Variants in CTNNA3 observed in about 807,000 individuals in gnomAD.
The protein encoded by CTNNA3 is catenin alpha 3.
Under a neutral mutation model 95.7 loss-of-function variants are expected in CTNNA3, and 76 were observed. That is an observed-to-expected ratio of 0.79 (90% CI 0.66 to 0.96). CTNNA3 has a LOEUF of 0.96. Ranked by LOEUF, CTNNA3 falls within the 40% of genes least tolerant of loss-of-function variation. The pLI is 0.00. For missense variants in CTNNA3, 1,191 were observed against 1,089.8 expected, an observed-to-expected ratio of 1.09 and a Z score of -1.31; for synonymous variants, 431 against 374.4, an observed-to-expected ratio of 1.15 and a Z score of -1.74.
chr10:67,387,012 A>C (rs964776509), intron 5 of CTNNA3, among the ~76,000 whole-genome samples: 1 of 152,192 alleles, frequency 6.6e-6, no homozygotes, highest in Non-Finnish European at 1.5e-5. Context: ...AAATCATCTG[A>C]AGTTCTGATC....
intron 14 of CTNNA3, among the ~76,000 whole-genome samples, chr10:66,093,377 CA>C (rs2081282073): frequency 6.6e-6 from 1 of 151,866 alleles, no homozygotes; most frequent in Non-Finnish European, 1.5e-5. Context: ...AGCTTTTCAG[CA>C]GAAGTTTTTG....
At chr10:67,204,378 CTCT>C (rs1863793609) in intron 6 of CTNNA3, among the ~76,000 whole-genome samples, 1 of 145,780 alleles carries the variant, frequency 6.9e-6, no homozygotes, top group African/African-American at 2.6e-5. Context: ...ACCTCCCCCC[CTCT>C]CTCTTCCTCC....
chr10:66,691,334 C>A (rs141148872), intron 9 of CTNNA3, among the ~76,000 whole-genome samples: 251 of 152,274 alleles, frequency 1.6e-3, no homozygotes, highest in African/African-American at 5.8e-3. Flanking sequence ...CAGGGTCCTA[C>A]GCCCATGGAG....
chr10:67,415,939 GCC>G, intron 5 of CTNNA3, among the ~76,000 whole-genome samples: 2 of 152,172 alleles, frequency 1.3e-5, no homozygotes. Context: ...TAACTGGCTA[GCC>G]ATATGCAGAA....
rs1848459216 is a variant in CTNNA3 at position 66,716,641 on chromosome 10, T to A, written c.1281+49623A>T. On this transcript the variant is annotated intron_variant, in intron 9 of 17. Coordinates refer to ENST00000433211, the MANE Select transcript of CTNNA3 (RefSeq NM_013266.4). ...GGCATTTATGTTTGTGTTTTTGTCATATGTGGGGCCCTCTAATGCATGGGG... is the reference window on the plus strand; with the variant it reads ...GGCATTTATGTTTGTGTTTTTGTCAAATGTGGGGCCCTCTAATGCATGGGG... Among the ~76,000 whole-genome samples, 4 of 152,150 alleles carry A rather than the reference T, an allele frequency of 2.6e-5. No homozygotes were observed. The South Asian group carries it at 6.2e-4, about 24-fold the overall frequency.
intron 1 of CTNNA3, among the ~76,000 whole-genome samples, chr10:67,734,237 A>C (rs1260183460): frequency 6.6e-6 from 1 of 152,176 alleles, no homozygotes; most frequent in African/African-American, 2.4e-5. Flanking sequence ...TATAAAGCCA[A>C]GAACTCTGTG....
chr10:66,928,097 C>G (rs758292887), intron 7 of CTNNA3: 4 of 1,614,076 alleles, frequency 2.5e-6, no homozygotes, highest in South Asian at 2.2e-5. Flanking sequence ...AGCAAACCCC[C>G]TTTGCCCCCG....
At chr10:66,442,733 C>A (rs987370601) in intron 11 of CTNNA3, among the ~76,000 whole-genome samples, 2 of 152,166 alleles carry the variant, frequency 1.3e-5, no homozygotes, top group Admixed American at 6.5e-5. Context: ...GCGTGAGTGA[C>A]GCAGAAGATG....
At chr10:66,952,968 T>A (rs1848614194) in intron 7 of CTNNA3, among the ~76,000 whole-genome samples, 1 of 152,052 alleles carries the variant, frequency 6.6e-6, no homozygotes, top group African/African-American at 2.4e-5. Flanking sequence ...ACAGAAGACC[T>A]CCAAGTAGTT....
intron 7 of CTNNA3, among the ~76,000 whole-genome samples, chr10:67,023,844 A>G (rs1853183573): frequency 1.3e-5 from 2 of 152,226 alleles, no homozygotes. Context: ...CAATTTTGCT[A>G]CAGATTATGT....
chr10:67,055,237 T>C (rs1855351522), intron 7 of CTNNA3, among the ~76,000 whole-genome samples: 1 of 152,188 alleles, frequency 6.6e-6, no homozygotes, highest in Non-Finnish European at 1.5e-5. Flanking sequence ...AGTTTGTTTT[T>C]TATCCCTTCC....
intron 16 of CTNNA3, 26 bp downstream of exon 16, chr10:65,988,666 A>C (rs1313697153): frequency 6.4e-7 from 1 of 1,574,004 alleles, no homozygotes; most frequent in Admixed American, 1.7e-5. Context: ...ATGAACTTTT[A>C]TGATGTCCAC....
chr10:66,554,081 CTT>C (rs1391361478), intron 10 of CTNNA3, among the ~76,000 whole-genome samples: 7 of 151,988 alleles, frequency 4.6e-5, no homozygotes, highest in African/African-American at 1.7e-4. Context: ...TTCCTTTGTG[CTT>C]GTCTCCTGGT....
At chr10:66,332,072 T>C (rs2092337231) in intron 12 of CTNNA3, among the ~76,000 whole-genome samples, 1 of 152,208 alleles carries the variant, frequency 6.6e-6, no homozygotes, top group Middle Eastern at 3.4e-3. Flanking sequence ...ATAAGAATGC[T>C]TGTGATTTTT....
chr10:67,508,260 C>A (rs1277223529), intron 5 of CTNNA3, among the ~76,000 whole-genome samples: 1 of 152,146 alleles, frequency 6.6e-6, no homozygotes, highest in African/African-American at 2.4e-5. Flanking sequence ...GATCCACCCA[C>A]CTCAGCCTCC....
At chr10:67,003,210 CTATGCT>C (rs1269293679) in intron 7 of CTNNA3, among the ~76,000 whole-genome samples, 1 of 152,130 alleles carries the variant, frequency 6.6e-6, no homozygotes, top group Non-Finnish European at 1.5e-5. Flanking sequence ...GGCACAGTGC[CTATGCT>C]TATGACTAAT....
chr10:67,687,214 G>A (rs1275455345), intron 1 of CTNNA3, among the ~76,000 whole-genome samples: 2 of 152,140 alleles, frequency 1.3e-5, no homozygotes, highest in Non-Finnish European at 2.9e-5. Flanking sequence ...CATACCCGGG[G>A]CTCAGTGAGG....
At chr10:67,637,622 G>A (rs866880455) in intron 2 of CTNNA3, among the ~76,000 whole-genome samples, 11 of 152,240 alleles carry the variant, frequency 7.2e-5, no homozygotes, top group African/African-American at 1.7e-4. Flanking sequence ...GAGAAAGGTC[G>A]GGTTACCCAC....
At position 65,917,200 on chromosome 10, in the gene CTNNA3, T is replaced by C. The variant is rs1043248240; in HGVS notation, c.*3130A>G. ...GTGAATGTGAAGGCTATATTGTCTT[T>C]TCTAATACATTTGCAATTTGCACTC... On this transcript the variant is annotated 3_prime_UTR_variant, in exon 18 of 18. Coordinates refer to ENST00000433211, the MANE Select transcript of CTNNA3 (RefSeq NM_013266.4). 1.3e-5 allele frequency: 2 copies of C among 152,150 alleles called. No homozygotes were observed. The highest frequency in any genetic ancestry group is 2.9e-5 in the Non-Finnish European group (2 of 68,020). The allele number at this position is 152,150 out of a possible 1,614,324, so 9.4% of individuals were successfully genotyped here. A position where few individuals can be genotyped will look rare whatever the true frequency, so the allele number is the denominator to read the frequency against.
Sources: gnomAD v4.1 joint callset for allele counts (sites outside exome capture counted in the v4.1 genomes callset) on GRCh38, gnomAD v4.1.1 for gene constraint, MANE v1.5 for transcripts, NCBI Gene and HGNC (gene_info 2026-07-23, HGNC 2026-07-21) for gene names.